The following PDE10A variants were observed in gnomAD, a reference collection of about 807,000 sequenced individuals.
PDE10A encodes cAMP and cAMP-inhibited cGMP 3',5'-cyclic phosphodiesterase 10A.
In PDE10A, 39 loss-of-function variants were observed where a neutral mutation model predicts 97.7. The observed-to-expected ratio is 0.40, with a 90% CI of 0.31 to 0.52. The LOEUF is 0.52. PDE10A is among the 20% of genes least tolerant of loss of function. The probability of loss-of-function intolerance (pLI) is 0.56; values close to 1 mark genes in which losing one functional copy is unlikely to be tolerated. For missense variants in PDE10A, 731 were observed against 1,047.8 expected (o/e 0.70, Z 4.17); for synonymous variants, 371 against 376.8 (o/e 0.98, Z 0.18).
chr6:165,748,822 G>A (rs1353828560), intron 1 of PDE10A, among the ~76,000 whole-genome samples: 3 of 151,952 alleles, frequency 2.0e-5, no homozygotes, highest in Admixed American at 6.6e-5. Flanking sequence ...GTGTGTGTGT[G>A]TGTGTGTGTG....
At chr6:165,839,900 C>CCATCCT (rs1562762580) in intron 1 of PDE10A, among the ~76,000 whole-genome samples, 11 of 142,360 alleles carry the variant, frequency 7.7e-5, no homozygotes, top group South Asian at 2.4e-4. Flanking sequence ...TCCCCATTCC[C>CCATCCT]ATCTCCAACT....
chr6:165,657,085 T>C (rs1330929736), intron 1 of PDE10A, among the ~76,000 whole-genome samples: 13 of 152,262 alleles, frequency 8.5e-5, no homozygotes, highest in Admixed American at 8.5e-4. Context: ...ACCTTCTCTA[T>C]GTGTGTCAGC....
At chr6:165,801,004 G>C (rs1778971548) in intron 1 of PDE10A, among the ~76,000 whole-genome samples, 1 of 152,200 alleles carries the variant, frequency 6.6e-6, no homozygotes, top group South Asian at 2.1e-4. Flanking sequence ...ATAAAAGGCT[G>C]ATTATGAAGG....
intron 1 of PDE10A, among the ~76,000 whole-genome samples, chr6:165,746,038 T>A (rs141180297): frequency 2.6e-5 from 4 of 152,348 alleles, no homozygotes; most frequent in Admixed American, 1.3e-4. Context: ...CATGCACTTA[T>A]GATGCTGACA....
chr6:165,677,538 A>G (rs908237917), intron 1 of PDE10A, among the ~76,000 whole-genome samples: 14 of 152,202 alleles, frequency 9.2e-5, no homozygotes, highest in African/African-American at 3.4e-4. Flanking sequence ...ATTATTTCCT[A>G]AAAAATGCAG....
chr6:165,576,102 T>C (rs569373380), intron 1 of PDE10A, among the ~76,000 whole-genome samples: 1 of 151,990 alleles, frequency 6.6e-6, no homozygotes, highest in African/African-American at 2.4e-5. Flanking sequence ...ACCCACCCTA[T>C]GAAAAATAAA....
intron 1 of PDE10A, among the ~76,000 whole-genome samples, chr6:165,636,994 T>A (rs979746966): frequency 6.6e-6 from 1 of 152,146 alleles, no homozygotes; most frequent in Non-Finnish European, 1.5e-5. Context: ...GAAATCATCA[T>A]GGAAATGAAA....
At chr6:165,516,066 C>CTTAAATT (rs1781787624) in intron 2 of PDE10A, among the ~76,000 whole-genome samples, 1 of 152,126 alleles carries the variant, frequency 6.6e-6, no homozygotes, top group Admixed American at 6.5e-5. Context: ...TTTATCTCAT[C>CTTAAATT]CTGCCTTAGG....
At chr6:165,767,590 A>G (rs1358312935) in intron 1 of PDE10A, among the ~76,000 whole-genome samples, 1 of 152,204 alleles carries the variant, frequency 6.6e-6, no homozygotes, top group African/African-American at 2.4e-5. Flanking sequence ...TGTTCTCAAG[A>G]GTCATCGATG....
At chr6:165,914,002 T>A (rs983434015) in intron 1 of PDE10A, among the ~76,000 whole-genome samples, 2 of 152,226 alleles carry the variant, frequency 1.3e-5, no homozygotes, top group Admixed American at 1.3e-4. Flanking sequence ...TTCCAAAAAT[T>A]TCAATATTCT....
At chr6:165,607,294 G>A (rs770941924) in intron 1 of PDE10A, among the ~76,000 whole-genome samples, 7 of 152,158 alleles carry the variant, frequency 4.6e-5, no homozygotes, top group South Asian at 2.1e-4. Context: ...GTCAACAAGC[G>A]ACCAAAGATA....
chr6:165,765,465 C>G lies in PDE10A; in HGVS notation c.-614-221897G>C, dbSNP rs943041301. On this transcript the variant is annotated intron_variant, in intron 1 of 19. Coordinates refer to the PDE10A transcript ENST00000366882. ...AGCTAAGGCCCGGCGAGAAATCGAG[C>G]GCAGCGCCGGTGGGCTGGCACTGCT... Among the ~76,000 whole-genome samples the G allele has an allele frequency of 5.9e-5, 9 of 152,386 alleles. No homozygotes were observed. The East Asian group carries it at 7.7e-4, about 13-fold the overall frequency.
intron 2 of PDE10A, among the ~76,000 whole-genome samples, chr6:165,504,982 C>A (rs1781107285): frequency 6.6e-6 from 1 of 152,156 alleles, no homozygotes; most frequent in Admixed American, 6.5e-5. Context: ...GAGTATCAAT[C>A]CACAGCCACC....
chr6:165,968,107 G>A (rs532576874), intron 1 of PDE10A, among the ~76,000 whole-genome samples: 4 of 152,324 alleles, frequency 2.6e-5, no homozygotes, highest in African/African-American at 9.6e-5. Context: ...TTGGTATTAG[G>A]TGAGTTGGTG....
chr6:165,606,153 G>GAAA lies in PDE10A; in HGVS notation c.865+55791_865+55793dup, dbSNP rs71029555. ...CAAATTATTAACATTACGAACAAGC[G>GAAA]AAAAAAAAAAAAAAAACAGAAATAA... is the stretch of plus-strand genomic sequence containing the variant. On this transcript the variant is annotated intron_variant, in intron 1 of 21. Coordinates refer to ENST00000539869, the MANE Select transcript of PDE10A (RefSeq NM_001385079.1). 2.2e-3 allele frequency among the ~76,000 whole-genome samples: 245 copies of GAAA among 113,228 alleles called. 2 individuals carry two copies. The highest frequency in any genetic ancestry group is 5.7e-3 in the East Asian group (20 of 3,518). The allele number at this position is 113,228 out of a possible 152,430, so 74.3% of individuals were successfully genotyped here.
rs573828717 is a variant in PDE10A at position 165,715,486 on chromosome 6, T to C, written c.-614-171918A>G. ...AGCAGGTTCCAGGAATGCTGTGTTT[T>C]GGGTCGGCGAAAAGACCACATTCCC... On this transcript the variant is annotated intron_variant, in intron 1 of 19. Transcript: ENST00000366882. Among the ~76,000 whole-genome samples the C allele has an allele frequency of 4.6e-5, 7 of 152,296 alleles. No individual in the cohort carries two copies. The South Asian group carries it at 1.5e-3, about 32-fold the overall frequency.
chr6:165,457,924 G>C (rs1355041777), intron 3 of PDE10A, among the ~76,000 whole-genome samples: 1 of 152,144 alleles, frequency 6.6e-6, no homozygotes, highest in Non-Finnish European at 1.5e-5. Flanking sequence ...TAATCACATG[G>C]AAACTGTGAC....
chr6:165,889,544 G>A (rs750779417), intron 1 of PDE10A, among the ~76,000 whole-genome samples: 1 of 152,126 alleles, frequency 6.6e-6, no homozygotes, highest in Non-Finnish European at 1.5e-5. Context: ...TGGAGTTGCC[G>A]TCATTGAGGG....
At chr6:165,581,699 C>A (rs1378449481) in intron 1 of PDE10A, among the ~76,000 whole-genome samples, 1 of 152,202 alleles carries the variant, frequency 6.6e-6, no homozygotes, top group Admixed American at 6.5e-5. Flanking sequence ...TTTCTGAGGC[C>A]TTTACAATTT....
Sources: allele counts gnomAD v4.1 joint callset (sites outside exome capture counted in the v4.1 genomes callset), GRCh38; gene constraint gnomAD v4.1.1; transcripts MANE v1.5; gene names NCBI Gene and HGNC (gene_info 2026-07-23, HGNC 2026-07-21).